The following GRID2 variants were observed in gnomAD, a reference collection of about 807,000 sequenced individuals.
GRID2 encodes glutamate ionotropic receptor delta type subunit 2, also known as glutamate receptor ionotropic, delta-2.
Under a neutral mutation model 114.8 loss-of-function variants are expected in GRID2, and 33 were observed. The observed-to-expected ratio is 0.29, with a 90% CI of 0.22 to 0.38. The LOEUF (loss-of-function observed/expected upper bound fraction) is 0.38, where lower values mean the gene tolerates loss of function less well. Ranked by LOEUF, GRID2 falls within the 10% of genes least tolerant of loss-of-function variation. The pLI, the probability that GRID2 is intolerant of heterozygous loss-of-function variation, is 1.00. For missense variants in GRID2, 1,184 were observed against 1,257.7 expected (o/e 0.94, Z 0.89); for synonymous variants, 505 against 449.9 (o/e 1.12, Z -1.55).
intron 2 of GRID2, among the ~76,000 whole-genome samples, chr4:92,753,995 T>C (rs1737585826): frequency 6.6e-6 from 1 of 152,178 alleles, no homozygotes; most frequent in South Asian, 2.1e-4. Flanking sequence ...CCTTCAGTAT[T>C]TGTTCTCCAT....
At chr4:92,743,141 A>G (rs576571443) in intron 2 of GRID2, among the ~76,000 whole-genome samples, 12 of 152,170 alleles carry the variant, frequency 7.9e-5, no homozygotes, top group African/African-American at 2.9e-4. Flanking sequence ...CCCTGGTATG[A>G]TAGTGTTTTC....
chr4:93,215,724 A>G (rs1221422894), intron 5 of GRID2, among the ~76,000 whole-genome samples: 1 of 152,094 alleles, frequency 6.6e-6, no homozygotes, highest in East Asian at 1.9e-4. Flanking sequence ...TACAAGAATA[A>G]TATGTAATTA....
intron 7 of GRID2, among the ~76,000 whole-genome samples, chr4:93,226,569 G>A (rs1222051035): frequency 6.6e-6 from 1 of 152,140 alleles, no homozygotes; most frequent in African/African-American, 2.4e-5. Flanking sequence ...TGCTCCCAGG[G>A]CTTTGCTGGA....
intron 1 of GRID2, among the ~76,000 whole-genome samples, chr4:92,480,075 C>G (rs1302739815): frequency 6.6e-6 from 1 of 151,994 alleles, no homozygotes; most frequent in African/African-American, 2.4e-5. Flanking sequence ...AGTTTTCTTA[C>G]AATTTCTGTG....
intron 8 of GRID2, among the ~76,000 whole-genome samples, chr4:93,257,427 G>T (rs1479402046): frequency 6.6e-6 from 1 of 151,668 alleles, no homozygotes; most frequent in East Asian, 1.9e-4. Flanking sequence ...TTATTGATTA[G>T]TCTACAGATA....
intron 2 of GRID2, among the ~76,000 whole-genome samples, chr4:93,026,230 G>A (rs912039519): frequency 5.3e-5 from 8 of 151,718 alleles, no homozygotes; most frequent in African/African-American, 1.9e-4. Context: ...ACCCATTTCT[G>A]CTTTATTCAA....
intron 2 of GRID2, among the ~76,000 whole-genome samples, chr4:93,081,604 A>G (rs1051321412): frequency 6.6e-6 from 1 of 152,138 alleles, no homozygotes; most frequent in Non-Finnish European, 1.5e-5. Flanking sequence ...GAGTCATAAA[A>G]CCAGCAAGCT....
chr4:92,723,346 G>A (rs1014301775), intron 2 of GRID2, among the ~76,000 whole-genome samples: 8 of 152,240 alleles, frequency 5.3e-5, no homozygotes, highest in Middle Eastern at 6.8e-3. Flanking sequence ...ACTTTAAGAC[G>A]TTGGTAATGA....
At chr4:92,352,132 C>T (rs1728097687) in intron 1 of GRID2, among the ~76,000 whole-genome samples, 1 of 151,786 alleles carries the variant, frequency 6.6e-6, no homozygotes, top group Non-Finnish European at 1.5e-5. Context: ...TTAGATTTCC[C>T]TTTTCTCCAC....
At chr4:92,645,196 T>A (rs1173383550) in intron 2 of GRID2, among the ~76,000 whole-genome samples, 8 of 151,648 alleles carry the variant, frequency 5.3e-5, no homozygotes, top group Non-Finnish European at 1.2e-4. Flanking sequence ...AAAATTTTCA[T>A]ATTGTTAGAA....
At chr4:93,579,523 A>G (rs1736757282) in intron 13 of GRID2, among the ~76,000 whole-genome samples, 1 of 152,086 alleles carries the variant, frequency 6.6e-6, no homozygotes, top group Non-Finnish European at 1.5e-5. Flanking sequence ...AATTCCTCTT[A>G]CCCTCATGCA....
At chr4:93,563,735 C>G (rs1337678978) in intron 13 of GRID2, among the ~76,000 whole-genome samples, 1 of 151,856 alleles carries the variant, frequency 6.6e-6, no homozygotes, top group East Asian at 1.9e-4. Context: ...TTTATCTTTT[C>G]AGTGCCTTGG....
intron 2 of GRID2, among the ~76,000 whole-genome samples, chr4:92,838,477 C>A (rs1471492163): frequency 6.6e-6 from 1 of 151,962 alleles, no homozygotes; most frequent in East Asian, 1.9e-4. Context: ...TAGCTTTTAG[C>A]AAATCAAATA....
chr4:92,738,847 A>C (rs957096215), intron 2 of GRID2, among the ~76,000 whole-genome samples: 1 of 152,024 alleles, frequency 6.6e-6, no homozygotes, highest in Non-Finnish European at 1.5e-5. Context: ...TAATATCCCT[A>C]TTATTAATTG....
intron 1 of GRID2, among the ~76,000 whole-genome samples, chr4:92,433,766 A>G (rs1413008263): frequency 6.6e-6 from 1 of 152,174 alleles, no homozygotes; most frequent in African/African-American, 2.4e-5. Flanking sequence ...GAGGATGAAT[A>G]CTGAAGGGTT....
Position 92,590,265 on chromosome 4 carries a change from C to G in GRID2, c.223C>G (p.Pro75Ala), listed in dbSNP as rs1728646051. Residue 75 changes from proline to alanine, a missense_variant, in exon 2 of 16, where the codon CCT (proline) becomes GCT (alanine). Pro to Ala is a conservative substitution (Grantham distance 27). Around this residue, in one of 3 missense-constraint regions of GRID2, gnomAD observed 455 missense variants for 429.5 expected, o/e 1.06. Coordinates refer to ENST00000282020, the MANE Select transcript of GRID2 (RefSeq NM_001510.4). Reference sequence around the variant, plus strand: ...AGTGACGTTTGTTGATGGCAACAACCCTTTCCAAGCAGTTCAAGAAGGTAA... The same window carrying G: ...AGTGACGTTTGTTGATGGCAACAACGCTTTCCAAGCAGTTCAAGAAGGTAA... ...FSVTFVDGNNPFQAVQEACEL... is the reference protein window; with the variant it reads ...FSVTFVDGNNAFQAVQEACEL... The G allele has an allele frequency of 1.2e-6, 2 of 1,612,754 alleles. No homozygotes were observed. Among genetic ancestry groups the G allele is most frequent in the Non-Finnish European group, 1.7e-6 (2 of 1,179,158 alleles).
intron 1 of GRID2, among the ~76,000 whole-genome samples, chr4:92,534,687 T>C (rs1411515896): frequency 6.6e-6 from 1 of 152,180 alleles, no homozygotes; most frequent in Admixed American, 6.5e-5. Context: ...CAAAAGCTTC[T>C]GTCACAGTCG....
chr4:93,117,304 A>G (rs1436712096), intron 4 of GRID2, among the ~76,000 whole-genome samples: 1 of 151,604 alleles, frequency 6.6e-6, no homozygotes, highest in Non-Finnish European at 1.5e-5. Flanking sequence ...AAATTCACCT[A>G]TTTATTTAGA....
chr4:93,340,048 A>T (rs1033118589), intron 8 of GRID2, among the ~76,000 whole-genome samples: 4 of 152,182 alleles, frequency 2.6e-5, no homozygotes, highest in Non-Finnish European at 5.9e-5. Context: ...GGGTGGGAAC[A>T]CAAAGCCTAA....
Sources: gnomAD v4.1 joint callset for allele counts (sites outside exome capture counted in the v4.1 genomes callset) on GRCh38, gnomAD v4.1.1 for gene constraint, gnomAD v4.1.1 regional missense constraint, MANE v1.5 for transcripts, NCBI Gene and HGNC (gene_info 2026-07-23, HGNC 2026-07-21) for gene names.